Variants in INSL4 observed in about 807,000 individuals in gnomAD.
INSL4 encodes insulin like 4.
A neutral mutation model predicts 6.5 loss-of-function variants in INSL4; 7 were observed. The observed-to-expected ratio is 1.08, with a 90% CI of 0.61 to 2.02. The LOEUF (loss-of-function observed/expected upper bound fraction) is 2.02, where lower values mean the gene tolerates loss of function less well. Among genes scored for constraint, INSL4 ranks in the 30% most tolerant of loss-of-function variants. The pLI, the probability that INSL4 is intolerant of heterozygous loss-of-function variation, is 0.00. For synonymous variants in INSL4, 82 were observed against 65.8 expected (o/e 1.25, Z -1.19); for missense variants, 226 against 163.2 (o/e 1.38, Z -2.09).
chr9:5,233,599 C>T (rs916609993), intron 1 of INSL4, 55 bp from the exon 2 acceptor site: 34 of 1,395,062 alleles, frequency 2.4e-5, no homozygotes, highest in Admixed American at 5.4e-5. Flanking sequence ...TTTTTCTGAT[C>T]CTCTTTCACA....
chr9:5,233,955 T>C lies in INSL4; in HGVS notation c.*78T>C, dbSNP rs1031324000. 7.0e-5 allele frequency: 64 copies of C among 915,418 alleles called. No individual in the cohort carries two copies. The Middle Eastern group carries it at 7.1e-4, about 10-fold the overall frequency. The allele number at this position is 915,418 out of a possible 1,614,324, so 56.7% of individuals were successfully genotyped here. A position where few individuals can be genotyped will look rare whatever the true frequency, so the allele number is the denominator to read the frequency against. On this transcript the variant is annotated 3_prime_UTR_variant, in exon 2 of 2. Transcript: ENST00000239316. ...ACAAATTCACTGATGCCCAATTAAA[T>C]GATTGCTGTTTATTAGAACATGAGA...
In INSL4 at chr9:5,234,119, A is replaced by T. The variant is rs1826191634; in HGVS notation, c.*242A>T. On this transcript the variant is annotated 3_prime_UTR_variant, in exon 2 of 2. Transcript: ENST00000239316. Reference sequence around the variant, plus strand: ...TATACTTAACAATAATTCACTGTATATTCCAAAATAGCTAGAAGAGAATTG... The same window carrying T: ...TATACTTAACAATAATTCACTGTATTTTCCAAAATAGCTAGAAGAGAATTG... 2.3e-6 allele frequency: 1 copy of T among 431,264 alleles called. No homozygotes were observed. Among genetic ancestry groups the T allele is most frequent in the Non-Finnish European group, 4.2e-6 (1 of 238,568 alleles). 26.7% of individuals were successfully genotyped at this position (431,264 alleles called of 1,614,324 possible). A position where few individuals can be genotyped will look rare whatever the true frequency, so the allele number is the denominator to read the frequency against.
rs758605960 is a variant in INSL4, at chr9:5,233,896, G to C, written c.*19G>C. On this transcript the variant is annotated 3_prime_UTR_variant, in exon 2 of 2. Transcript: ENST00000239316. ...TACATAGTAGAGTAATCATGGACTG[G>C]ACATCTCATCCATTCTCATATGTAT... 6.6e-7 allele frequency: 1 copy of C among 1,509,616 alleles called. No homozygotes were observed. Among genetic ancestry groups the C allele is most frequent in the South Asian group, 1.1e-5 (1 of 88,576 alleles). 93.5% of individuals were successfully genotyped at this position (1,509,616 alleles called of 1,614,324 possible). A position where few individuals can be genotyped will look rare whatever the true frequency, so the allele number is the denominator to read the frequency against.
At chr9:5,233,036 A>G (rs1326258191) in intron 1 of INSL4, among the ~76,000 whole-genome samples, 3 of 152,196 alleles carry the variant, frequency 2.0e-5, no homozygotes, top group Non-Finnish European at 4.4e-5. Context: ...AAGGAAGAGC[A>G]TGCTGTACTA....
At position 5,232,589 on chromosome 9, in the gene INSL4, C is replaced by T. The variant is rs558409774; in HGVS notation, c.196+870C>T. Reference sequence around the variant, plus strand: ...TTTCAGAATTGAGGAAAGTTCAATACCAGGATAGTTTTCAAACTTTACCAA... The same window carrying T: ...TTTCAGAATTGAGGAAAGTTCAATATCAGGATAGTTTTCAAACTTTACCAA... On this transcript the variant is annotated intron_variant, in intron 1 of 1. Transcript: ENST00000239316. Among the ~76,000 whole-genome samples the T allele has an allele frequency of 7.9e-5, 12 of 152,194 alleles. No individual in the cohort carries two copies. In the South Asian group the frequency reaches 1.9e-3, roughly 24 times the overall value.
rs535185923 is a variant in INSL4, at chr9:5,233,301, A to T, written c.197-353A>T. On this transcript the variant is annotated intron_variant, in intron 1 of 1. Coordinates refer to ENST00000239316, the MANE Select transcript of INSL4 (RefSeq NM_002195.2). ...CTTTCTATTAGAATAACTTGTGATT[A>T]TAAAAAAAATTCCCTATTGCTATCC... 7.2e-5 allele frequency among the ~76,000 whole-genome samples: 11 copies of T among 152,220 alleles called. No homozygotes were observed. The South Asian group carries it at 2.3e-3, about 32-fold the overall frequency.
chr9:5,233,669 C>T lies in INSL4; in HGVS notation c.212C>T (p.Ser71Phe). The T allele has an allele frequency of 1.2e-6, 2 of 1,613,188 alleles. No individual in the cohort carries two copies. Among genetic ancestry groups the T allele is most frequent in the Non-Finnish European group, 1.7e-6 (2 of 1,179,454 alleles). The change falls in exon 2 of 2, where the codon TCC (serine) becomes TTC (phenylalanine). Residue 71 changes from serine to phenylalanine, a missense_variant. By Grantham distance (155) the Ser-to-Phe change is radical. Transcript: ENST00000239316. ...TACTTCACAGAAATGGTGTCAACCT[C>T]CAACAACAAAGATGGACAAGCCTTA... Reference protein sequence around the residue: ...SGRPKEMVSTSNNKDGQALGT... With the variant: ...SGRPKEMVSTFNNKDGQALGT...
At position 5,231,659 on chromosome 9, in the gene INSL4, C is replaced by T. The variant is rs759983242; in HGVS notation, c.136C>T (p.Pro46Ser). The change falls in exon 1 of 2, where the codon CCT (proline) becomes TCT (serine). Residue 46 changes from proline (P) to serine (S), a missense_variant. Physicochemically the swap from Pro to Ser is moderately conservative, Grantham distance 74 (BLOSUM62 -1). Transcript: ENST00000239316. ...ACACTTGCTGTCATATTGCCCCATG[C>T]CTGAGAAGACATTCACCACCACCCC... is the stretch of plus-strand genomic sequence containing the variant. Reference protein sequence around the residue: ...GKHLLSYCPMPEKTFTTTPGG... With the variant: ...GKHLLSYCPMSEKTFTTTPGG... The T allele has an allele frequency of 6.2e-6, 10 of 1,613,830 alleles. No homozygotes were observed. In the East Asian group the frequency reaches 2.0e-4, roughly 32 times the overall value.
chr9:5,233,386 T>C (rs1157381493), intron 1 of INSL4, among the ~76,000 whole-genome samples: 2 of 152,096 alleles, frequency 1.3e-5, no homozygotes, highest in South Asian at 2.1e-4. Context: ...AAAAGTGGTA[T>C]GGTATAGGCA....
rs1326020749 is a variant in INSL4 at position 5,231,592 on chromosome 9, C to T, written c.69C>T (p.Ser23=). ...TGCTGAGCCAACTCCTTAGAGAAAG[C>T]CTAGCAGCAGAGCTGAGGGGATGTG... ...WLLLSQLLRE[S]LAAELRGCGP... is the part of the protein sequence containing the mutation. The change falls in exon 1 of 2, where the codon AGC becomes AGT. Residue 23 remains serine (S), a synonymous_variant. Transcript: ENST00000239316. 3.7e-6 allele frequency: 6 copies of T among 1,613,786 alleles called. No homozygotes were observed. Among genetic ancestry groups the T allele is most frequent in the Non-Finnish European group, 4.2e-6 (5 of 1,179,880 alleles).
At position 5,233,712 on chromosome 9, in the gene INSL4, C is replaced by A; in HGVS notation, c.255C>A (p.Phe85Leu). ...AAGCCTTAGGTACGACATCAGAATT[C>A]ATTCCTAATTTGTCACCAGAGCTGA... ...DGQALGTTSE[F>L]IPNLSPELKK... Residue 85 changes from phenylalanine to leucine, a missense_variant, in exon 2 of 2, where the codon TTC becomes TTA. Phe to Leu is a conservative substitution (Grantham distance 22, BLOSUM62 0). Transcript: ENST00000239316. 1 of 1,613,716 alleles carries A rather than the reference C, an allele frequency of 6.2e-7. No homozygotes were observed. Among genetic ancestry groups the A allele is most frequent in the Non-Finnish European group, 8.5e-7 (1 of 1,179,746 alleles).
At chr9:5,232,390 C>G (rs904311324) in intron 1 of INSL4, among the ~76,000 whole-genome samples, 2 of 152,068 alleles carry the variant, frequency 1.3e-5, no homozygotes, top group African/African-American at 4.8e-5. Flanking sequence ...TTTGAATCTA[C>G]TCTTGTAGTG....
rs1385812915 is a variant in INSL4 at position 5,234,015 on chromosome 9, G to A, written c.*138G>A. On this transcript the variant is annotated 3_prime_UTR_variant, in exon 2 of 2. Transcript: ENST00000239316. The stretch of plus-strand genomic sequence containing the variant: ...AGTATTCACATGTTTCACTTGCTCT[G>A]TACTAATATAGTCTCTCCAAATGGA... The A allele has an allele frequency of 3.1e-6, 2 of 649,008 alleles. No homozygotes were observed. The highest frequency in any genetic ancestry group is 2.7e-5 in the East Asian group (1 of 36,502). 40.2% of individuals were successfully genotyped at this position (649,008 alleles called of 1,614,324 possible).
Position 5,233,643 on chromosome 9 carries a change from T to C in INSL4, c.197-11T>C. 6.2e-7 allele frequency: 1 copy of C among 1,603,514 alleles called. No homozygotes were observed. The highest frequency in any genetic ancestry group is 8.5e-7 in the Non-Finnish European group (1 of 1,171,156). On this transcript the variant is annotated splice_polypyrimidine_tract_variant and intron_variant, in intron 1 of 1. Coordinates refer to ENST00000239316, the MANE Select transcript of INSL4 (RefSeq NM_002195.2). The stretch of plus-strand genomic sequence containing the variant: ...TTTCCTCACCTTTCATTCCTCTCTT[T>C]TACTTCACAGAAATGGTGTCAACCT...
chr9:5,233,600 C>A, intron 1 of INSL4, 54 bp from the exon 2 acceptor site: 1 of 1,408,626 alleles, frequency 7.1e-7, no homozygotes. Context: ...TTTTCTGATC[C>A]TCTTTCACAT....
rs1218443932 is a variant in INSL4 at position 5,234,261 on chromosome 9, T to C, written c.*384T>C. 5.7e-6 allele frequency: 1 copy of C among 176,230 alleles called. No individual in the cohort carries two copies. The highest frequency in any genetic ancestry group is 1.2e-5 in the Non-Finnish European group (1 of 82,724). 10.9% of individuals were successfully genotyped at this position (176,230 alleles called of 1,614,324 possible). On this transcript the variant is annotated 3_prime_UTR_variant, in exon 2 of 2. Transcript: ENST00000239316. ...AAATATCACATGTACTACAAAAATG[T>C]GTATAACTGTAATATGTGAACTACA...
At position 5,234,472 on chromosome 9, in the gene INSL4, G is replaced by C. The variant is rs748571884; in HGVS notation, c.*595G>C. ...GCAGTGAAGGAATGAACTGGTGGGA[G>C]AGGTATTAGGCATGTTCACCCTAGG... On this transcript the variant is annotated 3_prime_UTR_variant, in exon 2 of 2. Transcript: ENST00000239316. 1.3e-5 allele frequency: 2 copies of C among 153,888 alleles called. No individual in the cohort carries two copies. Among genetic ancestry groups the C allele is most frequent in the Non-Finnish European group, 2.9e-5 (2 of 69,300 alleles). 9.5% of individuals were successfully genotyped at this position (153,888 alleles called of 1,614,324 possible).
Position 5,231,460 on chromosome 9 carries a change from G to T in INSL4, c.-64G>T. On this transcript the variant is annotated 5_prime_UTR_variant, in exon 1 of 2. Coordinates refer to ENST00000239316, the MANE Select transcript of INSL4 (RefSeq NM_002195.2). Reference sequence around the variant, plus strand: ...GGGACACACCAGCACAGTCTGGTAGGCTACAGCAGCAAGTCTCTAAAGAAA... The same window carrying T: ...GGGACACACCAGCACAGTCTGGTAGTCTACAGCAGCAAGTCTCTAAAGAAA... 9.9e-6 allele frequency: 15 copies of T among 1,513,238 alleles called. No homozygotes were observed. The highest frequency in any genetic ancestry group is 1.3e-5 in the Non-Finnish European group (15 of 1,112,260). 93.7% of individuals were successfully genotyped at this position (1,513,238 alleles called of 1,614,324 possible).
chr9:5,233,465 GTA>G (rs1826177560), intron 1 of INSL4, among the ~76,000 whole-genome samples, 187 bp from the exon 2 acceptor site: 1 of 152,070 alleles, frequency 6.6e-6, no homozygotes, highest in South Asian at 2.1e-4. Context: ...TAATATTGTA[GTA>G]TCTTAAAGTG....
Sources: gnomAD v4.1 joint callset for allele counts (sites outside exome capture counted in the v4.1 genomes callset) on GRCh38, gnomAD v4.1.1 for gene constraint, MANE v1.5 for transcripts, NCBI Gene and HGNC (gene_info 2026-07-23, HGNC 2026-07-21) for gene names.